The following TMEFF1 variants were observed in gnomAD, a reference collection of about 807,000 sequenced individuals.
TMEFF1 encodes transmembrane protein with EGF like and two follistatin like domains 1, also known as tomoregulin-1.
TMEFF1 carries 20 observed loss-of-function variants against 47.5 expected under a neutral mutation model. That is an observed-to-expected ratio of 0.42 (90% confidence interval 0.30 to 0.61). The LOEUF (loss-of-function observed/expected upper bound fraction) is 0.61. TMEFF1 is among the 20% of genes least tolerant of loss of function. The pLI is 0.19. For missense variants in TMEFF1, 411 were observed against 471.1 expected, an observed-to-expected ratio of 0.87 and a Z score of 1.18; for synonymous variants, 162 against 166.3, an observed-to-expected ratio of 0.97 and a Z score of 0.20.
At chr9:100,510,701 G>C (rs571280005) in intron 3 of TMEFF1, among the ~76,000 whole-genome samples, 1 of 152,088 alleles carries the variant, frequency 6.6e-6, no homozygotes, top group African/African-American at 2.4e-5. Flanking sequence ...TCTTGAACTT[G>C]TGAGCTCAAG....
intron 2 of TMEFF1, among the ~76,000 whole-genome samples, chr9:100,501,786 A>C (rs1837767352): frequency 6.6e-6 from 1 of 152,076 alleles, no homozygotes; most frequent in African/African-American, 2.4e-5. Context: ...CTGGGACTGC[A>C]GGTGCATGCC....
intron 5 of TMEFF1, among the ~76,000 whole-genome samples, chr9:100,543,015 G>A (rs953008751): frequency 2.1e-5 from 3 of 142,222 alleles, no homozygotes; most frequent in African/African-American, 5.2e-5. Context: ...CGCAACCTCC[G>A]CCTCCTGGCT....
chr9:100,561,343 T>C (rs1839009513), intron 7 of TMEFF1, 54 bp from the exon 8 acceptor site: 8 of 1,584,332 alleles, frequency 5.0e-6, no homozygotes, highest in Non-Finnish European at 6.9e-6. Flanking sequence ...TGAAAAGTCC[T>C]TATTTTTCAG....
chr9:100,508,870 C>CTA, intron 2 of TMEFF1, 135 bp from the exon 3 acceptor site: 1 of 997,170 alleles, frequency 1.0e-6, no homozygotes, highest in Non-Finnish European at 1.3e-6. Context: ...TCTTTTTAAG[C>CTA]CAAAAAAAAA....
rs552680329 is a variant in TMEFF1, at chr9:100,561,496, A to T, written c.875A>T (p.Tyr292Phe). Residue 292 changes from tyrosine to phenylalanine, a missense_variant, in exon 8 of 10, where the codon TAT (tyrosine) becomes TTT (phenylalanine). Transcript: ENST00000374879. The stretch of plus-strand genomic sequence containing the variant: ...ATCCATGGAAAATGTGAATTCATCT[A>T]TTCTACTCAGAAGGCTTCTTGTAGG... ...YCIHGKCEFI[Y>F]STQKASCRCE... 8.1e-6 allele frequency: 13 copies of T among 1,613,594 alleles called. No individual in the cohort carries two copies. Among genetic ancestry groups the T allele is most frequent in the Non-Finnish European group, 1.1e-5 (13 of 1,179,782 alleles).
intron 8 of TMEFF1, among the ~76,000 whole-genome samples, chr9:100,564,615 G>T (rs1342757558): frequency 2.0e-5 from 3 of 152,140 alleles, no homozygotes; most frequent in Non-Finnish European, 4.4e-5. Context: ...GATGGGTGGG[G>T]GACATTGTTG....
At chr9:100,560,021 A>G (rs1241562109) in intron 7 of TMEFF1, among the ~76,000 whole-genome samples, 2 of 151,944 alleles carry the variant, frequency 1.3e-5, no homozygotes, top group Non-Finnish European at 2.9e-5. Flanking sequence ...GTTTTTTTAC[A>G]CTTGGCACCT....
chr9:100,498,684 TACACACACAC>T (rs372284828), intron 1 of TMEFF1, 71 bp from the exon 2 acceptor site: 14 of 1,250,386 alleles, frequency 1.1e-5, no homozygotes, highest in Middle Eastern at 2.0e-4. Flanking sequence ...GACTTTTTCA[TACACACACAC>T]ACACGCGCAC....
intron 1 of TMEFF1, among the ~76,000 whole-genome samples, chr9:100,489,236 A>G (rs1462266288): frequency 1.3e-5 from 2 of 152,032 alleles, no homozygotes; most frequent in Admixed American, 6.6e-5. Context: ...TTTTGGAGAT[A>G]AGATCTCTGT....
chr9:100,485,372 T>C (rs142978107), intron 1 of TMEFF1, among the ~76,000 whole-genome samples: 32 of 152,364 alleles, frequency 2.1e-4, no homozygotes, highest in African/African-American at 7.5e-4. Context: ...GTTTAACATT[T>C]TGAAGATTTG....
At chr9:100,475,543 T>G (rs1224999508) in intron 1 of TMEFF1, among the ~76,000 whole-genome samples, 2 of 152,200 alleles carry the variant, frequency 1.3e-5, no homozygotes, top group Non-Finnish European at 1.5e-5. Flanking sequence ...AGCTAATGTG[T>G]CGCGGGTATT....
intron 7 of TMEFF1, among the ~76,000 whole-genome samples, chr9:100,554,239 C>T (rs781178133): frequency 1.3e-5 from 2 of 152,116 alleles, no homozygotes; most frequent in Non-Finnish European, 2.9e-5. Flanking sequence ...TTTGATATGT[C>T]CTTTTAAAAA....
intron 5 of TMEFF1, among the ~76,000 whole-genome samples, chr9:100,532,749 A>G (rs1838413616): frequency 6.6e-6 from 1 of 152,096 alleles, no homozygotes. Context: ...TATATACCCA[A>G]AGGACTATAA....
intron 1 of TMEFF1, among the ~76,000 whole-genome samples, chr9:100,495,327 T>C (rs963613039): frequency 1.1e-4 from 17 of 152,218 alleles, no homozygotes; most frequent in Non-Finnish European, 1.9e-4. Flanking sequence ...TTCTTTATAA[T>C]GATCCTGTAT....
intron 3 of TMEFF1, among the ~76,000 whole-genome samples, chr9:100,511,717 A>G (rs76713446): frequency 0.022 from 3,344 of 152,212 alleles, 102 homozygotes; most frequent in African/African-American, 0.076. Context: ...ATTTCTATAC[A>G]TATACCATAT....
At chr9:100,514,691 A>C (rs201340222) in intron 4 of TMEFF1, among the ~76,000 whole-genome samples, 1,416 of 84,170 alleles carry the variant, frequency 0.017, 6 homozygotes, top group African/African-American at 0.025. Flanking sequence ...TCTCTACCCC[A>C]AAAAAAAAAA....
rs59137364 is a variant in TMEFF1, at chr9:100,561,749, T to C, written c.899+229T>C. Reference sequence around the variant, plus strand: ...GGGCTTAACATTTTAAATATAATACTATACATTTTTAATACAAAAAATAAA... The same window carrying C: ...GGGCTTAACATTTTAAATATAATACCATACATTTTTAATACAAAAAATAAA... On this transcript the variant is annotated intron_variant, in intron 8 of 9. Transcript: ENST00000374879. Among the ~76,000 whole-genome samples the C allele has an allele frequency of 5.8e-3, 882 of 152,108 alleles. 5 individuals carry two copies. The highest frequency in any genetic ancestry group is 0.021 in the African/African-American group (856 of 41,504).
chr9:100,529,908 G>T (rs955783906), intron 5 of TMEFF1, among the ~76,000 whole-genome samples: 2 of 152,144 alleles, frequency 1.3e-5, no homozygotes, highest in African/African-American at 4.8e-5. Flanking sequence ...AGACCGCAGT[G>T]CAATCAAACT....
chr9:100,572,775 T>C, intron 9 of TMEFF1, 99 bp downstream of exon 9: 6 of 1,407,320 alleles, frequency 4.3e-6, no homozygotes, highest in Non-Finnish European at 5.6e-6. Flanking sequence ...AAAAATCTTA[T>C]GATCAGTTCC....
Sources: gnomAD v4.1 joint callset for allele counts (sites outside exome capture counted in the v4.1 genomes callset) on GRCh38, gnomAD v4.1.1 for gene constraint, MANE v1.5 for transcripts, NCBI Gene and HGNC (gene_info 2026-07-23, HGNC 2026-07-21) for gene names.